The following DUS1L variants were observed in gnomAD, a reference collection of about 807,000 sequenced individuals.
DUS1L encodes tRNA-dihydrouridine(16/17) synthase [NAD(P)(+)]-like.
In DUS1L, 56 loss-of-function variants were observed where a neutral mutation model predicts 61.2. The ratio of observed to expected loss-of-function variants is 0.92; its 90% confidence interval spans 0.74 to 1.14. The LOEUF is 1.14. Ranked by LOEUF, DUS1L falls within the 50% of genes most tolerant of loss-of-function variation. The pLI, the probability that DUS1L is intolerant of heterozygous loss-of-function variation, is 0.00. For missense variants in DUS1L, 630 were observed against 632.4 expected, an observed-to-expected ratio of 1.00 and a Z score of 0.04; for synonymous variants, 278 against 259.5, an observed-to-expected ratio of 1.07 and a Z score of -0.69.
At position 82,060,862 on chromosome 17, in the gene DUS1L, T is replaced by A. The variant is rs1368757354; in HGVS notation, c.939+3A>T. 1.9e-6 allele frequency: 3 copies of A among 1,611,992 alleles called. No homozygotes were observed. Among genetic ancestry groups the A allele is most frequent in the Non-Finnish European group, 2.5e-6 (3 of 1,179,808 alleles). On this transcript the variant is annotated splice_donor_region_variant and intron_variant, in intron 9 of 13. Transcript: ENST00000306796. ...CCGGGCTCCCACCAGCCCCAGCACC[T>A]GCCTGACACCGCAGCTTCAGCTCCT...
chr17:82,058,460 C>T (rs370390336), intron 12 of DUS1L, 44 bp from the exon 13 acceptor site: 31 of 1,476,324 alleles, frequency 2.1e-5, no homozygotes, highest in South Asian at 7.3e-5. Flanking sequence ...GCACCACTCC[C>T]GGGGCCAGGC....
chr17:82,057,553 T>G lies in DUS1L; in HGVS notation c.*562A>C. The G allele has an allele frequency of 3.2e-6, 1 of 310,108 alleles. No homozygotes were observed. The highest frequency in any genetic ancestry group is 2.7e-5 in the South Asian group (1 of 37,624). The allele number at this position is 310,108 out of a possible 1,614,324, so 19.2% of individuals were successfully genotyped here. On this transcript the variant is annotated 3_prime_UTR_variant, in exon 14 of 14. Coordinates refer to ENST00000306796, the MANE Select transcript of DUS1L (RefSeq NM_022156.5). ...TTCCTGAGGGCTGTCTCCCTGGGAC[T>G]AGGCTTGGAGGCAGGGCCTGGTGAG... is the stretch of plus-strand genomic sequence containing the variant.
Position 82,060,070 on chromosome 17 carries a change from T to C in DUS1L, c.1046A>G (p.Lys349Arg), listed in dbSNP as rs2033402768. Residue 349 changes from lysine to arginine, a missense_variant, in exon 11 of 14, where the codon AAG (lysine) becomes AGG (arginine). Coordinates refer to ENST00000306796, the MANE Select transcript of DUS1L (RefSeq NM_022156.5). ...GGCCCGCTTGCTGCGCGCACCTGCC[T>C]TCTCCTTGCTCCCCTCCCTGGGCCT... ...RPGPREGSKE[K>R]AGARSKRALE... 1.2e-6 allele frequency: 2 copies of C among 1,613,104 alleles called. No individual in the cohort carries two copies. The highest frequency in any genetic ancestry group is 1.7e-6 in the Non-Finnish European group (2 of 1,179,862).
chr17:82,058,629 C>T (rs1568082620), intron 12 of DUS1L, 152 bp downstream of exon 12: 1 of 1,504,692 alleles, frequency 6.6e-7, no homozygotes, highest in Non-Finnish European at 8.9e-7. Flanking sequence ...TGGCTGGAAG[C>T]AAGGGGCCGT....
Position 82,065,003 on chromosome 17 carries a change from G to A in DUS1L, c.57C>T (p.His19=), listed in dbSNP as rs2033701283. The A allele has an allele frequency of 1.9e-6, 3 of 1,610,522 alleles. No individual in the cohort carries two copies. In the African/African-American group the frequency reaches 4.0e-5, roughly 22 times the overall value. ...TCTGGTCCACCATGGGGGCCACGAC[G>A]TGGCGGGCCCCTCGCAGGGTGCGGC... ...FWSRTLRGAR[H]VVAPMVDQSE... is the part of the protein sequence containing the mutation. The change falls in exon 2 of 14, where the codon CAC becomes CAT. Residue 19 remains histidine (H), a synonymous_variant. Transcript: ENST00000306796.
In DUS1L at chr17:82,060,720, G is replaced by A. The variant is rs2033442695; in HGVS notation, c.1003C>T (p.Gln335Ter). The A allele has an allele frequency of 8.1e-6, 13 of 1,612,938 alleles. No individual in the cohort carries two copies. The highest frequency in any genetic ancestry group is 1.1e-5 in the Non-Finnish European group (13 of 1,179,864). Residue 335 changes from glutamine (Q) to a stop codon, truncating the protein, a stop_gained, in exon 10 of 14, where the codon CAG becomes TAG. Coordinates refer to ENST00000306796, the MANE Select transcript of DUS1L (RefSeq NM_022156.5). LOFTEE classifies it high-confidence loss of function. ...TCTCACCCCGGCCGGATGTAGGGCT[G>A]GCAGATCCAGTGGAAGGGCAAGTCG... ...TGDLPFHWICQPYIRPGPREG... is the reference protein window; with the variant it reads ...TGDLPFHWIC
chr17:82,059,011 G>T, intron 11 of DUS1L, 193 bp from the exon 12 acceptor site: 1 of 603,766 alleles, frequency 1.7e-6, no homozygotes, highest in South Asian at 1.9e-5. Context: ...AATGGGTGAG[G>T]GGATGCAGGG....
chr17:82,058,513 A>G, intron 12 of DUS1L, 97 bp from the exon 13 acceptor site: 1 of 1,467,696 alleles, frequency 6.8e-7, no homozygotes, highest in Non-Finnish European at 9.0e-7. Flanking sequence ...CCTCTGCCAG[A>G]TGCCCACGGC....
In DUS1L at chr17:82,064,075, G is replaced by C. The variant is rs767872933; in HGVS notation, c.346+51C>G. Reference sequence around the variant, plus strand: ...CTCACCACACCTGGGGCTGCACTGAGCTGGCTCTGGCCCCTGCCCCAGGTG... The same window carrying C: ...CTCACCACACCTGGGGCTGCACTGACCTGGCTCTGGCCCCTGCCCCAGGTG... On this transcript the variant is annotated intron_variant, in intron 3 of 13. Coordinates refer to ENST00000306796, the MANE Select transcript of DUS1L (RefSeq NM_022156.5). 5 of 1,533,956 alleles carry C rather than the reference G, an allele frequency of 3.3e-6. No homozygotes were observed. In the South Asian group the frequency reaches 4.6e-5, roughly 14 times the overall value.
chr17:82,063,007 A>G (rs1041946573), intron 4 of DUS1L, 34 bp from the exon 5 acceptor site: 1 of 1,569,514 alleles, frequency 6.4e-7, no homozygotes, highest in South Asian at 1.1e-5. Flanking sequence ...TGAGGGGGCC[A>G]TGGTGTTCCC....
chr17:82,058,109 G>C lies in DUS1L; in HGVS notation c.*6C>G, dbSNP rs1242726897. ...CAGCAGTCCTGGGGGTGGGGGTTGT[G>C]GGCCTTCAGGCCAGGGCACTGCCCA... On this transcript the variant is annotated 3_prime_UTR_variant, in exon 14 of 14. Coordinates refer to ENST00000306796, the MANE Select transcript of DUS1L (RefSeq NM_022156.5). The C allele has an allele frequency of 4.6e-6, 7 of 1,536,878 alleles. No homozygotes were observed. The highest frequency in any genetic ancestry group is 6.2e-6 in the Non-Finnish European group (7 of 1,137,558).
rs974774692 is a variant in DUS1L, at chr17:82,064,516, G to C, written c.238-282C>G. 3.9e-5 allele frequency among the ~76,000 whole-genome samples: 6 copies of C among 152,224 alleles called. No homozygotes were observed. The East Asian group carries it at 9.6e-4, about 24-fold the overall frequency. On this transcript the variant is annotated intron_variant, in intron 2 of 13. Coordinates refer to ENST00000306796, the MANE Select transcript of DUS1L (RefSeq NM_022156.5). ...TTCTGAAGAGGGAGTGTGAGTGTGA[G>C]AGGCAGCAATCCAGAGGCCCCAGCA...
Position 82,064,152 on chromosome 17 carries a change from C to A in DUS1L, c.320G>T (p.Gly107Val). 6.2e-7 allele frequency: 1 copy of A among 1,612,680 alleles called. No individual in the cohort carries two copies. The highest frequency in any genetic ancestry group is 8.5e-7 in the Non-Finnish European group (1 of 1,179,846). Residue 107 changes from glycine to valine, a missense_variant, in exon 3 of 14, where the codon GGC becomes GTC. Physicochemically the swap from Gly to Val is moderately radical, Grantham distance 109. Coordinates refer to ENST00000306796, the MANE Select transcript of DUS1L (RefSeq NM_022156.5). Reference protein sequence around the residue: ...DYCDAIDLNLGCPQMIAKRGH... With the variant: ...DYCDAIDLNLVCPQMIAKRGH... Reference sequence around the variant, plus strand: ...TCTCTTGGCTATCATCTGTGGGCAGCCCAAGTTCAGGTCAATGGCGTCACA... The same window carrying A: ...TCTCTTGGCTATCATCTGTGGGCAGACCAAGTTCAGGTCAATGGCGTCACA...
chr17:82,064,107 T>A lies in DUS1L; in HGVS notation c.346+19A>T. On this transcript the variant is annotated intron_variant, in intron 3 of 13. Transcript: ENST00000306796. ...CTGGCCCCTGCCCCAGGTGCCCCCA[T>A]GCTCCACATGGAGCTCACCTCTCTT... 1 of 1,605,886 alleles carries A rather than the reference T, an allele frequency of 6.2e-7. No individual in the cohort carries two copies. The highest frequency in any genetic ancestry group is 1.1e-5 in the South Asian group (1 of 90,534).
At chr17:82,065,104 G>C (rs2033707401) in intron 1 of DUS1L, 35 bp from the exon 2 acceptor site, 1 of 1,531,564 alleles carries the variant, frequency 6.5e-7, no homozygotes, top group African/African-American at 1.4e-5. Context: ...GTTCAGCCAG[G>C]CCCAACGAGG....
chr17:82,059,042 G>A (rs530630069), intron 11 of DUS1L: 10 of 577,170 alleles, frequency 1.7e-5, no homozygotes, highest in South Asian at 1.0e-4. Context: ...TGCAGGAAAC[G>A]GATAGGAAGC....
At chr17:82,064,256 G>C in intron 2 of DUS1L, 22 bp from the exon 3 acceptor site, 2 of 1,601,618 alleles carry the variant, frequency 1.2e-6, no homozygotes, top group Non-Finnish European at 1.7e-6. Context: ...GCAGGAGTCA[G>C]CCACGGGCCC....
rs777031875 is a variant in DUS1L at position 82,060,010 on chromosome 17, G to T, written c.1106C>A (p.Ser369Tyr). Residue 369 changes from serine (S) to tyrosine (Y), a missense_variant, in exon 11 of 14, where the codon TCC (serine) becomes TAC (tyrosine). Physicochemically the swap from Ser to Tyr is moderately radical, Grantham distance 144. Coordinates refer to ENST00000306796, the MANE Select transcript of DUS1L (RefSeq NM_022156.5). ...CAGCTGCTTCTTTTGCTTGTTCTTG[G>T]ACAGGACCTCCGTGCCACCCTCCTC... ...EEEEGGTEVL[S>Y]KNKQKKQLRN... The T allele has an allele frequency of 6.2e-7, 1 of 1,613,912 alleles. No homozygotes were observed. The highest frequency in any genetic ancestry group is 2.2e-5 in the East Asian group (1 of 44,850).
intron 10 of DUS1L, chr17:82,060,454 G>T (rs1283645766): frequency 1.3e-5 from 8 of 594,412 alleles, no homozygotes; most frequent in Admixed American, 6.0e-5. Context: ...TGGAAGAAAA[G>T]ATTTAAAATC....
Sources: gnomAD v4.1 joint callset for allele counts (sites outside exome capture counted in the v4.1 genomes callset) on GRCh38, gnomAD v4.1.1 for gene constraint, MANE v1.5 for transcripts, NCBI Gene and HGNC (gene_info 2026-07-23, HGNC 2026-07-21) for gene names.